IL1RAPL2: variants seen among roughly 807,000 people sequenced by gnomAD.
IL1RAPL2 encodes interleukin 1 receptor accessory protein like 2.
A neutral mutation model predicts 44.1 loss-of-function variants in IL1RAPL2; 3 were observed. The observed-to-expected ratio is 0.07, with a 90% CI of 0.03 to 0.18. IL1RAPL2 has a LOEUF of 0.18. Ranked by LOEUF, IL1RAPL2 falls within the 10% of genes least tolerant of loss-of-function variation. IL1RAPL2 has a pLI of 1.00. For missense variants in IL1RAPL2, 391 were observed against 496.4 expected, an observed-to-expected ratio of 0.79 and a Z score of 2.02; for synonymous variants, 181 against 178.8, an observed-to-expected ratio of 1.01 and a Z score of -0.10.
intron 2 of IL1RAPL2, among the ~76,000 whole-genome samples, chrX:104,798,884 C>T (rs777933323): frequency 1.8e-5 from 2 of 110,913 alleles, no homozygotes; most frequent in South Asian, 7.8e-4. Flanking sequence ...TGGCTTAAAG[C>T]CTTATTTTGT....
chrX:105,145,977 A>G (rs2033176471), intron 2 of IL1RAPL2, among the ~76,000 whole-genome samples: 1 of 111,102 alleles, frequency 9.0e-6, no homozygotes, highest in Admixed American at 9.6e-5. Context: ...TGCCCTCATA[A>G]AAGAGGCCTC....
At chrX:104,924,395 A>C (rs751294590) in intron 2 of IL1RAPL2, among the ~76,000 whole-genome samples, 1 of 112,116 alleles carries the variant, frequency 8.9e-6, no homozygotes, top group East Asian at 2.8e-4. Context: ...ACTGCAGGAT[A>C]TACATTTTTC....
chrX:105,480,897 T>C (rs2036229154), intron 5 of IL1RAPL2, among the ~76,000 whole-genome samples: 1 of 112,010 alleles, frequency 8.9e-6, no homozygotes, highest in Non-Finnish European at 1.9e-5. Flanking sequence ...TCATCACAAA[T>C]GTTCTGCACT....
chrX:105,547,866 T>C (rs2036817047), intron 6 of IL1RAPL2, among the ~76,000 whole-genome samples: 1 of 112,529 alleles, frequency 8.9e-6, no homozygotes, highest in Admixed American at 9.4e-5. Flanking sequence ...TTCTATCTCT[T>C]GATGAGAGAA....
intron 2 of IL1RAPL2, among the ~76,000 whole-genome samples, chrX:104,766,444 T>C (rs1932555952): frequency 9.0e-6 from 1 of 111,341 alleles, no homozygotes; most frequent in South Asian, 3.9e-4. Flanking sequence ...CCTCCCTCTC[T>C]TCTTCCTTTC....
intron 2 of IL1RAPL2, among the ~76,000 whole-genome samples, chrX:104,665,729 A>G (rs1378650620): frequency 1.8e-5 from 2 of 111,481 alleles, no homozygotes; most frequent in African/African-American, 6.5e-5. Context: ...TAACTAAATC[A>G]TATTTTTAAA....
At chrX:104,821,588 T>C (rs1482850793) in intron 2 of IL1RAPL2, among the ~76,000 whole-genome samples, 1 of 112,312 alleles carries the variant, frequency 8.9e-6, no homozygotes, top group Non-Finnish European at 1.9e-5. Flanking sequence ...TTCTTTATCA[T>C]GGGTGAATAG....
intron 3 of IL1RAPL2, among the ~76,000 whole-genome samples, chrX:105,211,713 G>A (rs181654752): frequency 1.6e-3 from 180 of 111,176 alleles, no homozygotes; most frequent in Non-Finnish European, 1.9e-3. Context: ...GAACAGCTCT[G>A]GTCCACAGCT....
intron 2 of IL1RAPL2, among the ~76,000 whole-genome samples, chrX:105,177,134 A>C (rs2033482149): frequency 9.1e-6 from 1 of 110,348 alleles, no homozygotes; most frequent in Non-Finnish European, 1.9e-5. Context: ...GTGAAGCTTC[A>C]TTTGTATTTA....
At chrX:105,700,088 G>C (rs1312963357) in intron 6 of IL1RAPL2, among the ~76,000 whole-genome samples, 2 of 111,390 alleles carry the variant, frequency 1.8e-5, no homozygotes, top group Non-Finnish European at 3.8e-5. Flanking sequence ...GAAGTGGTTG[G>C]TGTTAATAAG....
intron 5 of IL1RAPL2, among the ~76,000 whole-genome samples, chrX:105,382,893 C>G (rs887045570): frequency 8.0e-5 from 8 of 100,266 alleles, no homozygotes; most frequent in Non-Finnish European, 2.0e-5. Context: ...ACCGCATGTT[C>G]TCACTCATAG....
chrX:104,686,383 G>A (rs950072944), intron 2 of IL1RAPL2, among the ~76,000 whole-genome samples: 11 of 112,048 alleles, frequency 9.8e-5, no homozygotes, highest in East Asian at 5.6e-4. Context: ...GGTAAGTAGC[G>A]CATAACTTGA....
intron 1 of IL1RAPL2, among the ~76,000 whole-genome samples, chrX:104,630,988 C>T (rs1215771056): frequency 1.8e-5 from 2 of 110,456 alleles, no homozygotes; most frequent in South Asian, 4.0e-4. Flanking sequence ...ATCCTACCCC[C>T]CTCCCACACC....
chrX:105,551,271 A>G (rs374827811), intron 6 of IL1RAPL2, among the ~76,000 whole-genome samples: 15 of 106,219 alleles, frequency 1.4e-4, no homozygotes, highest in African/African-American at 5.2e-4. Flanking sequence ...AATGGAAGAG[A>G]ATCCATGCAC....
chrX:104,792,814 A>G (rs745873291), intron 2 of IL1RAPL2, among the ~76,000 whole-genome samples: 2 of 111,989 alleles, frequency 1.8e-5, no homozygotes, highest in East Asian at 5.6e-4. Context: ...AAAATCCTGC[A>G]AAGAGAAAGG....
intron 6 of IL1RAPL2, among the ~76,000 whole-genome samples, chrX:105,672,268 T>C (rs1355091799): frequency 1.8e-5 from 2 of 112,405 alleles, no homozygotes; most frequent in Non-Finnish European, 3.7e-5. Flanking sequence ...TTAAATCTTC[T>C]ATTTTAGCTG....
intron 6 of IL1RAPL2, among the ~76,000 whole-genome samples, chrX:105,511,068 A>C (rs978354925): frequency 1.8e-5 from 2 of 111,885 alleles, no homozygotes. Flanking sequence ...CCTCAGCTAC[A>C]TTGACTGAGA....
At chrX:104,575,514 G>A (rs761815347) in intron 1 of IL1RAPL2, among the ~76,000 whole-genome samples, 2 of 111,389 alleles carry the variant, frequency 1.8e-5, no homozygotes, top group Non-Finnish European at 3.8e-5. Context: ...TATGGGGAAA[G>A]GACCATGTAG....
intron 5 of IL1RAPL2, among the ~76,000 whole-genome samples, chrX:105,363,617 A>T (rs2035270813): frequency 1.8e-5 from 2 of 109,415 alleles, no homozygotes; most frequent in South Asian, 7.8e-4. Flanking sequence ...GTTAGCATTC[A>T]TCTTTTTGAT....
Sources: allele counts gnomAD v4.1 joint callset (sites outside exome capture counted in the v4.1 genomes callset), GRCh38; gene constraint gnomAD v4.1.1; transcripts MANE v1.5; gene names NCBI Gene and HGNC (gene_info 2026-07-23, HGNC 2026-07-21).